LRRC8C: variants seen among roughly 807,000 people sequenced by gnomAD.
LRRC8C encodes the protein leucine rich repeat containing 8 VRAC subunit C.
LRRC8C carries 20 observed loss-of-function variants against 55.3 expected under a neutral mutation model. That is an observed-to-expected ratio of 0.36 (90% CI 0.25 to 0.53). The LOEUF (loss-of-function observed/expected upper bound fraction) is 0.53, where lower values mean the gene tolerates loss of function less well. LRRC8C is among the 20% of genes least tolerant of loss of function. The pLI is 0.92. For synonymous variants in LRRC8C, 376 were observed against 360.7 expected, an observed-to-expected ratio of 1.04 and a Z score of -0.48; for missense variants, 659 against 951.4, an observed-to-expected ratio of 0.69 and a Z score of 4.04.
chr1:89,707,965 T>G (rs952825915), intron 2 of LRRC8C, among the ~76,000 whole-genome samples: 1 of 152,112 alleles, frequency 6.6e-6, no homozygotes, highest in African/African-American at 2.4e-5. Flanking sequence ...ACATTTTCCT[T>G]TCCATAAATG....
At chr1:89,690,061 G>A (rs1455562832) in intron 2 of LRRC8C, among the ~76,000 whole-genome samples, 3 of 152,266 alleles carry the variant, frequency 2.0e-5, no homozygotes, top group South Asian at 2.1e-4. Context: ...GAGATATTAA[G>A]TAATCAGTTG....
At chr1:89,687,600 A>G (rs574039828) in intron 2 of LRRC8C, among the ~76,000 whole-genome samples, 2 of 152,342 alleles carry the variant, frequency 1.3e-5, no homozygotes, top group Admixed American at 1.3e-4. Flanking sequence ...GGGGCCCTTG[A>G]AGAAGACTGA....
At chr1:89,647,519 C>T (rs1156245644) in intron 1 of LRRC8C, among the ~76,000 whole-genome samples, 2 of 152,184 alleles carry the variant, frequency 1.3e-5, no homozygotes, top group African/African-American at 2.4e-5. Context: ...TACTAAAAAG[C>T]AGCACAAAAG....
upstream of LRRC8C, chr1:89,632,519 T>G (rs546864642): frequency 6.5e-5 from 10 of 152,726 alleles, no homozygotes; most frequent in Admixed American, 5.9e-4. Context: ...CCTCATTCTA[T>G]CCCACCGTCC....
At chr1:89,684,636 T>C (rs1053645411) in intron 1 of LRRC8C, among the ~76,000 whole-genome samples, 2 of 152,134 alleles carry the variant, frequency 1.3e-5, no homozygotes, top group Admixed American at 1.3e-4. Flanking sequence ...ACTGTAATAA[T>C]TTACTGAGAA....
chr1:89,657,024 A>G (rs1303402921), intron 1 of LRRC8C, among the ~76,000 whole-genome samples: 1 of 152,194 alleles, frequency 6.6e-6, no homozygotes, highest in African/African-American at 2.4e-5. Flanking sequence ...TTTCAAACCT[A>G]CGTCTTTCTG....
chr1:89,658,084 A>G (rs555222434), intron 1 of LRRC8C, among the ~76,000 whole-genome samples: 1 of 152,282 alleles, frequency 6.6e-6, no homozygotes, highest in Admixed American at 6.5e-5. Context: ...TTCTTTATAT[A>G]AGGAAACCAC....
At chr1:89,622,864 ATAT>A in the LRRC8C span, among the ~76,000 whole-genome samples, 1 of 152,192 alleles carries the variant, frequency 6.6e-6, no homozygotes, top group Non-Finnish European at 1.5e-5. Context: ...ATGATCAGAT[ATAT>A]TATTATAGAA....
At chr1:89,668,478 C>G (rs1415188504) in intron 1 of LRRC8C, among the ~76,000 whole-genome samples, 2 of 152,206 alleles carry the variant, frequency 1.3e-5, no homozygotes, top group African/African-American at 4.8e-5. Flanking sequence ...GGATTTCTCT[C>G]AGTGTCAGAT....
At chr1:89,695,241 C>T (rs1314418872) in intron 2 of LRRC8C, among the ~76,000 whole-genome samples, 1 of 152,102 alleles carries the variant, frequency 6.6e-6, no homozygotes, top group Non-Finnish European at 1.5e-5. Context: ...GGCTTTTGAA[C>T]ATACATAGTG....
intron 1 of LRRC8C, among the ~76,000 whole-genome samples, chr1:89,657,440 G>A (rs1656977216): frequency 6.6e-6 from 1 of 152,106 alleles, no homozygotes; most frequent in South Asian, 2.1e-4. Flanking sequence ...TGACCATTGT[G>A]GTTTAGAAGA....
the LRRC8C span, among the ~76,000 whole-genome samples, chr1:89,616,485 G>T: frequency 3.9e-5 from 6 of 152,320 alleles, no homozygotes; most frequent in East Asian, 1.2e-3. Context: ...GCTCCAATTT[G>T]CCTGAAAGAG....
chr1:89,672,862 CTAAAACATTAGGCTGTGTTAAGTTTT>C (rs1281761457), intron 1 of LRRC8C, among the ~76,000 whole-genome samples: 1 of 151,972 alleles, frequency 6.6e-6, no homozygotes, highest in African/African-American at 2.4e-5. Context: ...TTTTAGGTTT[CTAAAACATTAGGCTGTGTTAAGTTTT>C]TAAGATGGGT....
At chr1:89,656,655 CCTTGAGGCAATT>C (rs1656951017) in intron 1 of LRRC8C, among the ~76,000 whole-genome samples, 2 of 152,056 alleles carry the variant, frequency 1.3e-5, no homozygotes, top group African/African-American at 4.8e-5. Context: ...GAGGAATTGG[CCTTGAGGCAATT>C]CTTGAGGCAA....
intron 1 of LRRC8C, among the ~76,000 whole-genome samples, chr1:89,684,338 C>T (rs1657811152): frequency 6.6e-6 from 1 of 152,194 alleles, no homozygotes; most frequent in African/African-American, 2.4e-5. Flanking sequence ...TATCAAGGAA[C>T]AATAGACTAT....
intron 1 of LRRC8C, among the ~76,000 whole-genome samples, chr1:89,659,055 T>TG (rs1553164920): frequency 0.031 from 3,394 of 110,738 alleles, 218 homozygotes; most frequent in African/African-American, 0.062. Flanking sequence ...CAGGTTTTTT[T>TG]TTTTTTTGTG....
At chr1:89,659,055 T>TGTTG (rs1553164920) in intron 1 of LRRC8C, among the ~76,000 whole-genome samples, 1 of 110,936 alleles carries the variant, frequency 9.0e-6, no homozygotes, top group African/African-American at 3.3e-5. Context: ...CAGGTTTTTT[T>TGTTG]TTTTTTTGTG....
intron 1 of LRRC8C, among the ~76,000 whole-genome samples, chr1:89,663,493 C>A (rs1348345602): frequency 6.6e-6 from 1 of 151,824 alleles, no homozygotes; most frequent in East Asian, 1.9e-4. Flanking sequence ...TGGTGTGAAC[C>A]CGGGAGGCAG....
intron 1 of LRRC8C, among the ~76,000 whole-genome samples, chr1:89,643,017 CAAAAAAA>C (rs34145647): frequency 4.4e-4 from 48 of 109,508 alleles, no homozygotes; most frequent in Non-Finnish European, 8.5e-4. Context: ...GACTGTGTCT[CAAAAAAA>C]AAAAAAAAAA....
Sources: allele counts gnomAD v4.1 joint callset (sites outside exome capture counted in the v4.1 genomes callset), GRCh38; gene constraint gnomAD v4.1.1; transcripts MANE v1.5; gene names NCBI Gene and HGNC (gene_info 2026-07-23, HGNC 2026-07-21).